PDLIM2: variants seen among roughly 807,000 people sequenced by gnomAD.
PDLIM2 encodes PDZ and LIM domain protein 2.
Under a neutral mutation model 54.1 loss-of-function variants are expected in PDLIM2, and 51 were observed. The observed-to-expected ratio is 0.94, with a 90% CI of 0.75 to 1.19. The LOEUF (loss-of-function observed/expected upper bound fraction) is 1.19, where lower values mean the gene tolerates loss of function less well. Among genes scored for constraint, PDLIM2 ranks in the 50% most tolerant of loss-of-function variants. The pLI is 0.00. For missense variants in PDLIM2, 912 were observed against 874.0 expected (o/e 1.04, Z -0.55); for synonymous variants, 398 against 385.6 (o/e 1.03, Z -0.38).
At chr8:22,594,208 A>G in exon 10 of PDLIM2, 1 of 1,399,102 alleles carries the variant, frequency 7.1e-7, no homozygotes, top group Non-Finnish European at 9.3e-7. Context: ...CAGAAGTGGG[A>G]AGGAGAGGGG....
chr8:22,582,915 C>G lies in PDLIM2; in HGVS notation c.995+1385C>G, dbSNP rs190103406. On this transcript the variant is annotated intron_variant, in intron 3 of 9. Coordinates refer to ENST00000308354, the Ensembl canonical transcript of PDLIM2. ...TTTTGCTGACGTGATGCCCACCCCCCCCCCCGCCCCCATCTCCCGCCTCCT... is the reference window on the plus strand; with the variant it reads ...TTTTGCTGACGTGATGCCCACCCCCGCCCCCGCCCCCATCTCCCGCCTCCT... Among the ~76,000 whole-genome samples, 12 of 110,844 alleles carry G rather than the reference C, an allele frequency of 1.1e-4. No homozygotes were observed. The East Asian group carries it at 1.7e-3, about 16-fold the overall frequency. 72.7% of individuals were successfully genotyped at this position (110,844 alleles called of 152,430 possible). A position where few individuals can be genotyped will look rare whatever the true frequency, so the allele number is the denominator to read the frequency against.
chr8:22,579,458 A>T lies in PDLIM2; in HGVS notation c.679A>T (p.Arg227Ter), dbSNP rs1450871796. 1.3e-6 allele frequency: 2 copies of T among 1,518,490 alleles called. No individual in the cohort carries two copies. Among genetic ancestry groups the T allele is most frequent in the Non-Finnish European group, 1.8e-6 (2 of 1,139,502 alleles). The allele number at this position is 1,518,490 out of a possible 1,614,324, so 94.1% of individuals were successfully genotyped here. Residue 227 changes from arginine to a stop codon, truncating the protein, a stop_gained, in exon 1 of 10, where the codon AGA becomes TGA. Coordinates refer to ENST00000308354, the Ensembl canonical transcript of PDLIM2. LOFTEE classifies it high-confidence loss of function. Reference sequence around the variant, plus strand: ...GAGCGAAGGAGGCTCCAGAACTGGTAGAGCCGGGCCATCGGGCTGGGCACC... The same window carrying T: ...GAGCGAAGGAGGCTCCAGAACTGGTTGAGCCGGGCCATCGGGCTGGGCACC...
At chr8:22,581,124 G>A (rs1800188291) in intron 2 of PDLIM2, 13 of 673,062 alleles carry the variant, frequency 1.9e-5, no homozygotes, top group Non-Finnish European at 3.6e-5. Flanking sequence ...GTATTTCCAA[G>A]CACAGTTCCT....
chr8:22,589,053 C>T, intron 6 of PDLIM2: 1 of 580,132 alleles, frequency 1.7e-6, no homozygotes, highest in East Asian at 3.0e-5. Context: ...GCATGCCTCC[C>T]TCCCTCTCTG....
intron 6 of PDLIM2, 69 bp downstream of exon 5, chr8:22,585,468 C>G: frequency 6.8e-7 from 1 of 1,473,394 alleles, no homozygotes; most frequent in East Asian, 2.5e-5. Flanking sequence ...GTTGCCAGTG[C>G]CCCGGGACTG....
chr8:22,584,986 G>C lies in PDLIM2; in HGVS notation c.1066-31G>C. 3 of 1,613,248 alleles carry C rather than the reference G, an allele frequency of 1.9e-6. No individual in the cohort carries two copies. In the South Asian group the frequency reaches 3.3e-5, roughly 18 times the overall value. On this transcript the variant is annotated intron_variant, in intron 4 of 9. Transcript: ENST00000308354. ...AGGGCGGCCTTGGCGGGGCAGCCCTGCCTTTCCTGACACAGTCACTCTCTC... is the reference window on the plus strand; with the variant it reads ...AGGGCGGCCTTGGCGGGGCAGCCCTCCCTTTCCTGACACAGTCACTCTCTC...
Position 22,581,405 on chromosome 8 carries a change from C to T in PDLIM2, c.870C>T (p.Asp290=), listed in dbSNP as rs144990403. The change falls in exon 3 of 10, where the codon GAC becomes GAT. Residue 290 remains aspartate (D), a synonymous_variant. Transcript: ENST00000308354. Reference sequence around the variant, plus strand: ...TGGCCGAGCGGGGCAAAGCCAAGGACGCTGACCTCCGGCCTGGAGACATAA... The same window carrying T: ...TGGCCGAGCGGGGCAAAGCCAAGGATGCTGACCTCCGGCCTGGAGACATAA... 1.7e-3 allele frequency: 2,790 copies of T among 1,606,668 alleles called. 4 individuals are homozygous for T. Among genetic ancestry groups the T allele is most frequent in the Non-Finnish European group, 2.3e-3 (2,650 of 1,177,470 alleles).
exon 1 of PDLIM2, chr8:22,579,246 T>A: frequency 7.3e-7 from 1 of 1,360,580 alleles, no homozygotes. Flanking sequence ...CACCTGCGCC[T>A]CTCCGCGCGG....
chr8:22,580,205 G>C (rs1313884698), intron 1 of PDLIM2: 1 of 315,316 alleles, frequency 3.2e-6, no homozygotes, highest in Non-Finnish European at 6.2e-6. Context: ...GTGGGTTTTG[G>C]GGACAGGAAG....
chr8:22,580,220 C>T (rs1586917486), intron 1 of PDLIM2: 5 of 328,696 alleles, frequency 1.5e-5, no homozygotes, highest in Admixed American at 4.5e-5. Flanking sequence ...AGGAAGCAAG[C>T]GCTAGTGGGA....
intron 3 of PDLIM2, among the ~76,000 whole-genome samples, chr8:22,584,370 A>T (rs4872517): frequency 6.6e-6 from 1 of 151,524 alleles, no homozygotes; most frequent in South Asian, 2.1e-4. Context: ...AGGCAGTGGC[A>T]CAATCACGGC....
chr8:22,592,763 G>C (rs919598561), intron 9 of PDLIM2: 2 of 152,206 alleles, frequency 1.3e-5, no homozygotes, highest in African/African-American at 4.8e-5. Flanking sequence ...CCAGTGATGC[G>C]GATGCTGCTG....
chr8:22,586,082 G>A (rs1335933624), intron 6 of PDLIM2, among the ~76,000 whole-genome samples: 2 of 152,162 alleles, frequency 1.3e-5, no homozygotes, highest in Non-Finnish European at 2.9e-5. Context: ...ACGGCGTGGG[G>A]GGCACGTCCA....
intron 1 of PDLIM2, chr8:22,580,573 G>T: frequency 6.2e-7 from 1 of 1,613,664 alleles, no homozygotes; most frequent in Non-Finnish European, 8.5e-7. Flanking sequence ...TAGGGGCATG[G>T]ACTTCACCTC....
At chr8:22,581,980 A>T (rs1563859909) in intron 3 of PDLIM2, among the ~76,000 whole-genome samples, 1 of 152,220 alleles carries the variant, frequency 6.6e-6, no homozygotes, top group Admixed American at 6.5e-5. Flanking sequence ...TGGGGGGCTC[A>T]TTCCTCATAG....
intron 5 of PDLIM2, 79 bp downstream of exon 4, chr8:22,585,241 T>C: frequency 6.2e-7 from 1 of 1,601,874 alleles, no homozygotes; most frequent in South Asian, 1.1e-5. Flanking sequence ...TCAGGAGCTC[T>C]GCTTGGGAGC....
At chr8:22,593,815 A>T (rs1251466642) in exon 10 of PDLIM2, 1 of 1,601,906 alleles carries the variant, frequency 6.2e-7, no homozygotes, top group Non-Finnish European at 8.5e-7. Context: ...GAACCTGAAG[A>T]TGCGCGGGCA....
In PDLIM2 at chr8:22,591,097, C is replaced by T. The variant is rs1046351743; in HGVS notation, c.1514-454C>T. 5 of 209,456 alleles carry T rather than the reference C, an allele frequency of 2.4e-5. 1 individual carries two copies. Among genetic ancestry groups the T allele is most frequent in the Admixed American group, 5.3e-5 (1 of 18,778 alleles). The allele number at this position is 209,456 out of a possible 1,614,324, so 13.0% of individuals were successfully genotyped here. On this transcript the variant is annotated intron_variant, in intron 8 of 9. Coordinates refer to ENST00000308354, the Ensembl canonical transcript of PDLIM2. ...AGTGACTTTGCCAAGGAGGCCTCAG[C>T]GTCCTTAGCTGCAGACGGGCGACAG...
Position 22,591,671 on chromosome 8 carries a change from G to C in PDLIM2, c.1631+3G>C, listed in dbSNP as rs1352704558. Reference sequence around the variant, plus strand: ...GAGAAGTGCAGTACCAGCATCGCGTGAGTGTGGAGGGGGGTGGGGGACCTG... The same window carrying C: ...GAGAAGTGCAGTACCAGCATCGCGTCAGTGTGGAGGGGGGTGGGGGACCTG... On this transcript the variant is annotated splice_donor_region_variant and intron_variant, in intron 9 of 9. Transcript: ENST00000308354. 2 of 1,605,822 alleles carry C rather than the reference G, an allele frequency of 1.2e-6. No homozygotes were observed. Among genetic ancestry groups the C allele is most frequent in the African/African-American group, 1.3e-5 (1 of 74,856 alleles).
Sources: allele counts gnomAD v4.1 joint callset (sites outside exome capture counted in the v4.1 genomes callset), GRCh38; gene constraint gnomAD v4.1.1; transcripts MANE v1.5; gene names NCBI Gene and HGNC (gene_info 2026-07-23, HGNC 2026-07-21).